The following SMYD3 variants were observed in gnomAD, a reference collection of about 807,000 sequenced individuals.
SMYD3 encodes histone-lysine N-methyltransferase SMYD3.
In SMYD3, 36 loss-of-function variants were observed where a neutral mutation model predicts 57.7. That is an observed-to-expected ratio of 0.62 (90% CI 0.48 to 0.82). The LOEUF (loss-of-function observed/expected upper bound fraction) is 0.82, where lower values mean the gene tolerates loss of function less well. SMYD3 is among the 40% of genes least tolerant of loss of function. SMYD3 has a pLI of 0.00. For missense variants in SMYD3, 515 were observed against 538.8 expected, an observed-to-expected ratio of 0.96 and a Z score of 0.44; for synonymous variants, 211 against 195.0, an observed-to-expected ratio of 1.08 and a Z score of -0.68.
At chr1:245,796,763 C>T (rs1265557214) in intron 10 of SMYD3, among the ~76,000 whole-genome samples, 6 of 152,198 alleles carry the variant, frequency 3.9e-5, no homozygotes, top group African/African-American at 9.7e-5. Context: ...CCATAGTCTC[C>T]GCATCTGCAG....
At chr1:246,142,850 T>C (rs1289703123) in intron 5 of SMYD3, among the ~76,000 whole-genome samples, 1 of 152,190 alleles carries the variant, frequency 6.6e-6, no homozygotes, top group East Asian at 1.9e-4. Flanking sequence ...CAGAACATCA[T>C]GAAGCATGTT....
chr1:246,338,993 C>T (rs989461974), intron 2 of SMYD3, among the ~76,000 whole-genome samples: 20 of 152,098 alleles, frequency 1.3e-4, no homozygotes, highest in African/African-American at 4.8e-4. Context: ...AGTGTCCAAC[C>T]AAATTCCATG....
chr1:245,866,809 A>T (rs1558437990), intron 8 of SMYD3, among the ~76,000 whole-genome samples: 1 of 152,124 alleles, frequency 6.6e-6, no homozygotes, highest in Non-Finnish European at 1.5e-5. Flanking sequence ...TCTCCTAAAG[A>T]TCACCTCCCT....
chr1:246,294,842 G>T (rs1248009420), intron 5 of SMYD3, among the ~76,000 whole-genome samples: 2 of 152,012 alleles, frequency 1.3e-5, no homozygotes, highest in Non-Finnish European at 2.9e-5. Flanking sequence ...CAAGTGATCT[G>T]CCCACCTCAG....
chr1:246,273,315 A>G (rs1433059966), intron 5 of SMYD3, among the ~76,000 whole-genome samples: 2 of 150,572 alleles, frequency 1.3e-5, no homozygotes, highest in African/African-American at 4.9e-5. Flanking sequence ...GTGCCCAGCT[A>G]ATTTTTGTAT....
At chr1:246,274,276 T>C (rs1358541291) in intron 5 of SMYD3, among the ~76,000 whole-genome samples, 1 of 152,238 alleles carries the variant, frequency 6.6e-6, no homozygotes, top group Non-Finnish European at 1.5e-5. Context: ...AATGGTTAAT[T>C]ACTTCCATAT....
chr1:246,230,514 A>T (rs1047708697), intron 5 of SMYD3, among the ~76,000 whole-genome samples: 1 of 152,184 alleles, frequency 6.6e-6, no homozygotes, highest in Non-Finnish European at 1.5e-5. Flanking sequence ...GAGATCCAAT[A>T]ATCAGTCCAA....
intron 1 of SMYD3, among the ~76,000 whole-genome samples, chr1:246,410,314 A>G (rs927932854): frequency 1.3e-5 from 2 of 152,184 alleles, no homozygotes; most frequent in African/African-American, 4.8e-5. Context: ...GGTTTGTCAT[A>G]GATAGCTCTT....
intron 5 of SMYD3, among the ~76,000 whole-genome samples, chr1:246,272,224 G>A (rs2064237296): frequency 6.6e-6 from 1 of 152,116 alleles, no homozygotes; most frequent in South Asian, 2.1e-4. Context: ...TATCATCTAT[G>A]AACAGAGATA....
intron 5 of SMYD3, among the ~76,000 whole-genome samples, chr1:246,277,922 T>C (rs1446718890): frequency 1.3e-5 from 2 of 152,230 alleles, no homozygotes; most frequent in Non-Finnish European, 2.9e-5. Context: ...CACGGAAAGT[T>C]CTGTATCTTC....
At chr1:246,023,807 C>CTGTGTGTGTGTGTGTGTG (rs201726897) in intron 5 of SMYD3, among the ~76,000 whole-genome samples, 3,040 of 139,516 alleles carry the variant, frequency 0.022, 59 homozygotes, top group East Asian at 0.029. Context: ...TATTACAAAA[C>CTGTGTGTGTGTGTGTGTG]TGTGTGTGTG....
In SMYD3 at chr1:245,976,951, CTAGCCTAGGGAAAGCCAT is replaced by C. The variant is rs1558551025; in HGVS notation, c.532-47032_532-47015del. Among the ~76,000 whole-genome samples the C allele has an allele frequency of 8.2e-4, 38 of 46,442 alleles. 1 individual carries two copies. Among genetic ancestry groups the C allele is most frequent in the African/African-American group, 2.2e-3 (29 of 13,428 alleles). 30.5% of individuals were successfully genotyped at this position (46,442 alleles called of 152,430 possible). On this transcript the variant is annotated intron_variant, in intron 5 of 11. Coordinates refer to ENST00000490107, the MANE Select transcript of SMYD3 (RefSeq NM_001167740.2). ...TCTAGCCTAGGGAAAGCCATCGTCT[CTAGCCTAGGGAAAGCCAT>C]CGTCTCCGGCCCAGGGAAAGCCATC...
chr1:245,856,027 G>C (rs57143859), intron 10 of SMYD3, among the ~76,000 whole-genome samples: 5 of 152,286 alleles, frequency 3.3e-5, no homozygotes, highest in South Asian at 4.1e-4. Flanking sequence ...GAGCCGATGC[G>C]GGGGGCTGAG....
At chr1:246,114,022 T>C (rs2061301299) in intron 5 of SMYD3, among the ~76,000 whole-genome samples, 1 of 152,160 alleles carries the variant, frequency 6.6e-6, no homozygotes. Flanking sequence ...TGATATTTCT[T>C]GGGGAGGCTG....
chr1:246,363,027 G>C (rs545537201), intron 1 of SMYD3, among the ~76,000 whole-genome samples: 1 of 151,356 alleles, frequency 6.6e-6, no homozygotes, highest in Non-Finnish European at 1.5e-5. Context: ...GAGCGTCTCT[G>C]CCCGGCCGCC....
At position 246,459,448 on chromosome 1, in the gene SMYD3, T is replaced by C. The variant is rs201752450; in HGVS notation, c.164+47606A>G. ...CTTGAGAGTTTGTGGCACGTCCCCCTTCACTCTCTTGTTCTGCTATTCTCG... is the reference window on the plus strand; with the variant it reads ...CTTGAGAGTTTGTGGCACGTCCCCCCTCACTCTCTTGTTCTGCTATTCTCG... On this transcript the variant is annotated intron_variant, in intron 1 of 11. Transcript: ENST00000490107. Among the ~76,000 whole-genome samples the C allele has an allele frequency of 2.4e-4, 36 of 151,714 alleles. No homozygotes were observed. In the East Asian group the frequency reaches 7.0e-3, roughly 30 times the overall value.
At chr1:245,872,173 C>A (rs764526536) in intron 8 of SMYD3, among the ~76,000 whole-genome samples, 2 of 152,252 alleles carry the variant, frequency 1.3e-5, no homozygotes, top group Non-Finnish European at 2.9e-5. Flanking sequence ...CTTCCAGATG[C>A]TGTCATCAGC....
At chr1:245,835,092 G>C (rs1350730593) in intron 10 of SMYD3, among the ~76,000 whole-genome samples, 1 of 150,372 alleles carries the variant, frequency 6.7e-6, no homozygotes, top group Non-Finnish European at 1.5e-5. Context: ...ATATGCTTGG[G>C]CTCAAATCCT....
rs1446362985 is a variant in SMYD3 at position 245,867,662 on chromosome 1, G to A, written c.814-3776C>T. ...TATGTGCATGCGCGTGCGTGTGCGT[G>A]CGCGCGCACACACACACACACACAC... On this transcript the variant is annotated intron_variant, in intron 8 of 11. Coordinates refer to ENST00000490107, the MANE Select transcript of SMYD3 (RefSeq NM_001167740.2). Among the ~76,000 whole-genome samples the A allele has an allele frequency of 7.0e-3, 578 of 83,132 alleles. 3 individuals carry two copies. Among genetic ancestry groups the A allele is most frequent in the African/African-American group, 0.02 (535 of 27,410 alleles). The allele number at this position is 83,132 out of a possible 152,430, so 54.5% of individuals were successfully genotyped here.
Sources: gnomAD v4.1 joint callset for allele counts (sites outside exome capture counted in the v4.1 genomes callset) on GRCh38, gnomAD v4.1.1 for gene constraint, MANE v1.5 for transcripts, NCBI Gene and HGNC (gene_info 2026-07-23, HGNC 2026-07-21) for gene names.